Variants in MBD5 observed in about 807,000 individuals in gnomAD.
MBD5 encodes methyl-CpG binding domain protein 5, also known as methyl-CpG-binding domain protein 5.
In MBD5, 13 loss-of-function variants were observed where a neutral mutation model predicts 117.3. That is an observed-to-expected ratio of 0.11 (90% CI 0.07 to 0.18). MBD5 has a LOEUF of 0.18. Ranked by LOEUF, MBD5 falls within the 10% of genes least tolerant of loss-of-function variation. MBD5 has a pLI of 1.00. For missense variants in MBD5, 1,879 were observed against 2,093.8 expected, an observed-to-expected ratio of 0.90 and a Z score of 2.00; for synonymous variants, 727 against 766.4, an observed-to-expected ratio of 0.95 and a Z score of 0.85.
At chr2:148,473,350 A>G (rs1680857799) in intron 8 of MBD5, among the ~76,000 whole-genome samples, 1 of 152,098 alleles carries the variant, frequency 6.6e-6, no homozygotes, top group African/African-American at 2.4e-5. Context: ...ACGTGTCAGT[A>G]GGCCTTTAAA....
intron 2 of MBD5, among the ~76,000 whole-genome samples, chr2:148,216,650 A>G (rs932693455): frequency 6.6e-6 from 1 of 152,182 alleles, no homozygotes; most frequent in Non-Finnish European, 1.5e-5. Flanking sequence ...CTTCTCCCCA[A>G]GAGGTGGGCA....
intron 4 of MBD5, among the ~76,000 whole-genome samples, chr2:148,407,720 G>A (rs769936687): frequency 1.3e-5 from 2 of 152,054 alleles, no homozygotes; most frequent in African/African-American, 2.4e-5. Flanking sequence ...ATGAACGGAC[G>A]ATCTAAATTT....
chr2:148,328,582 C>T (rs1348133129), intron 3 of MBD5, among the ~76,000 whole-genome samples: 7 of 152,116 alleles, frequency 4.6e-5, no homozygotes, highest in African/African-American at 9.7e-5. Context: ...GCGCAGTATT[C>T]GGGTGGGAGT....
chr2:148,255,215 G>A (rs193174820), intron 3 of MBD5, among the ~76,000 whole-genome samples: 4 of 152,288 alleles, frequency 2.6e-5, no homozygotes, highest in East Asian at 1.9e-4. Flanking sequence ...TTTTTGTCCC[G>A]GGATAACAAT....
chr2:148,285,525 G>A (rs1274957200), intron 3 of MBD5, among the ~76,000 whole-genome samples: 1 of 152,072 alleles, frequency 6.6e-6, no homozygotes, highest in Non-Finnish European at 1.5e-5. Context: ...CCACACTTAA[G>A]CAAAATACTA....
intron 8 of MBD5, among the ~76,000 whole-genome samples, chr2:148,476,137 A>G (rs1373384910): frequency 6.6e-6 from 1 of 152,188 alleles, no homozygotes; most frequent in East Asian, 1.9e-4. Flanking sequence ...GAGAGTATTC[A>G]TCACAGATAT....
intron 11 of MBD5, among the ~76,000 whole-genome samples, chr2:148,501,477 C>A (rs776296298): frequency 1.3e-5 from 2 of 152,124 alleles, no homozygotes; most frequent in Admixed American, 1.3e-4. Flanking sequence ...GCTTACATAC[C>A]AAACAACACT....
At chr2:148,406,581 C>T (rs763045743) in intron 4 of MBD5, among the ~76,000 whole-genome samples, 4 of 152,174 alleles carry the variant, frequency 2.6e-5, no homozygotes, top group Non-Finnish European at 4.4e-5. Context: ...CATCTCATTG[C>T]AATTAAAATA....
chr2:148,318,774 T>C (rs1216550205), intron 3 of MBD5, among the ~76,000 whole-genome samples: 1 of 152,200 alleles, frequency 6.6e-6, no homozygotes. Context: ...TGAAGTGCAG[T>C]GGTGCAATTT....
chr2:148,136,765 A>ATT (rs879310208), intron 1 of MBD5, among the ~76,000 whole-genome samples: 24 of 146,338 alleles, frequency 1.6e-4, no homozygotes, highest in African/African-American at 2.2e-4. Flanking sequence ...CAGTTTATTA[A>ATT]TTTTTTTTTT....
intron 12 of MBD5, among the ~76,000 whole-genome samples, chr2:148,504,101 T>C (rs754416788): frequency 3.3e-5 from 5 of 152,218 alleles, no homozygotes; most frequent in Non-Finnish European, 7.3e-5. Flanking sequence ...AAAAACAAAC[T>C]ACAATTTTAA....
chr2:148,391,384 T>C (rs1574372510), intron 4 of MBD5, among the ~76,000 whole-genome samples: 2 of 152,330 alleles, frequency 1.3e-5, no homozygotes, highest in South Asian at 2.1e-4. Flanking sequence ...TTTGACATTT[T>C]ATTGCTTCAC....
At chr2:148,195,571 G>C (rs1166753236) in intron 2 of MBD5, among the ~76,000 whole-genome samples, 1 of 152,082 alleles carries the variant, frequency 6.6e-6, no homozygotes, top group African/African-American at 2.4e-5. Flanking sequence ...GACATTTGTA[G>C]AACATATGCC....
intron 4 of MBD5, among the ~76,000 whole-genome samples, chr2:148,352,476 C>G (rs1240704583): frequency 6.6e-6 from 1 of 151,852 alleles, no homozygotes; most frequent in African/African-American, 2.4e-5. Context: ...ATTTCCATCA[C>G]CACAAGGGTC....
intron 1 of MBD5, chr2:148,071,207 T>C (rs1251628233): frequency 6.6e-6 from 1 of 152,094 alleles, no homozygotes; most frequent in East Asian, 1.9e-4. Context: ...TTAAGAATCA[T>C]TTTGTTCAAA....
At chr2:148,148,657 C>T (rs1363619969) in intron 1 of MBD5, among the ~76,000 whole-genome samples, 1 of 151,910 alleles carries the variant, frequency 6.6e-6, no homozygotes, top group Non-Finnish European at 1.5e-5. Context: ...CTTCCTTTGC[C>T]TACTCCTTAA....
At chr2:148,215,953 A>G (rs1165237959) in intron 2 of MBD5, among the ~76,000 whole-genome samples, 1 of 152,208 alleles carries the variant, frequency 6.6e-6, no homozygotes, top group African/African-American at 2.4e-5. Flanking sequence ...TCTTGTCTTT[A>G]AGAAATCCTC....
chr2:148,326,857 G>T (rs1052853048), intron 3 of MBD5, among the ~76,000 whole-genome samples: 2 of 150,026 alleles, frequency 1.3e-5, no homozygotes, highest in Non-Finnish European at 3.0e-5. Flanking sequence ...ATATTGTTAT[G>T]TGTGAATTTG....
chr2:148,061,717 C>T (rs949729252), intron 1 of MBD5, among the ~76,000 whole-genome samples: 2 of 151,722 alleles, frequency 1.3e-5, no homozygotes, highest in African/African-American at 4.8e-5. Flanking sequence ...AAATGAAATT[C>T]TTGAATCAGT....
Sources: allele counts gnomAD v4.1 joint callset (sites outside exome capture counted in the v4.1 genomes callset), GRCh38; gene constraint gnomAD v4.1.1; transcripts MANE v1.5; gene names NCBI Gene and HGNC (gene_info 2026-07-23, HGNC 2026-07-21).